DAB2IP: variants seen among roughly 807,000 people sequenced by gnomAD.
The protein encoded by DAB2IP is DAB2 interacting protein.
DAB2IP carries 28 observed loss-of-function variants against 107.2 expected under a neutral mutation model. The observed-to-expected ratio is 0.26, with a 90% CI of 0.19 to 0.36. The LOEUF (loss-of-function observed/expected upper bound fraction) is 0.36, where lower values mean the gene tolerates loss of function less well. Ranked by LOEUF, DAB2IP falls within the 10% of genes least tolerant of loss-of-function variation. The pLI, the probability that DAB2IP is intolerant of heterozygous loss-of-function variation, is 1.00. For synonymous variants in DAB2IP, 755 were observed against 706.4 expected (o/e 1.07, Z -1.09); for missense variants, 1,400 against 1,644.7 (o/e 0.85, Z 2.57).
chr9:121,741,359 G>C (rs1441692079), intron 3 of DAB2IP, among the ~76,000 whole-genome samples: 2 of 152,212 alleles, frequency 1.3e-5, no homozygotes, highest in African/African-American at 4.8e-5. Context: ...GAGCATGGAA[G>C]ACAAACCCAG....
rs1026898335 is a variant in DAB2IP, at chr9:121,736,642, A to C, written c.363-20371A>C. Among the ~76,000 whole-genome samples the C allele has an allele frequency of 1.3e-5, 2 of 152,154 alleles. No homozygotes were observed. The highest frequency in any genetic ancestry group is 2.9e-5 in the Non-Finnish European group (2 of 68,020). ...GTGGCGCAGCCCGACGTTAGTCCGG[A>C]ATGCTCTGGGAGCAGCGCTCGGGGG... On this transcript the variant is annotated intron_variant, in intron 3 of 15. Coordinates refer to ENST00000408936, the Ensembl canonical transcript of DAB2IP. The surrounding 1 kb of genome is among the most constrained non-coding windows in gnomAD (Gnocchi z 4.6).
intron 1 of DAB2IP, among the ~76,000 whole-genome samples, chr9:121,600,279 C>T (rs1343168232): frequency 2.6e-5 from 4 of 152,296 alleles, no homozygotes; most frequent in South Asian, 2.1e-4. Context: ...TTTGTTCAAT[C>T]CTGGCCAATC....
chr9:121,761,398 G>A (rs2118973592), intron 6 of DAB2IP, among the ~76,000 whole-genome samples: 1 of 152,356 alleles, frequency 6.6e-6, no homozygotes, highest in East Asian at 1.9e-4. Context: ...GCAGGTGGCT[G>A]AGGGGCACCC....
chr9:121,602,672 T>A (rs931826167), intron 1 of DAB2IP, among the ~76,000 whole-genome samples: 1 of 152,156 alleles, frequency 6.6e-6, no homozygotes, highest in Non-Finnish European at 1.5e-5. Flanking sequence ...ACCTCCTGGG[T>A]TCACGCCATT....
intron 1 of DAB2IP, among the ~76,000 whole-genome samples, chr9:121,594,464 T>A (rs898857051): frequency 2.6e-5 from 4 of 152,118 alleles, no homozygotes; most frequent in Non-Finnish European, 5.9e-5. Flanking sequence ...CTCGAACTCC[T>A]GACCTCAGGT....
At chr9:121,668,188 T>C (rs923749573) in intron 1 of DAB2IP, among the ~76,000 whole-genome samples, 3 of 130,900 alleles carry the variant, frequency 2.3e-5, no homozygotes, top group African/African-American at 5.5e-5. Flanking sequence ...CCATTTGAGC[T>C]GTTGTTGATT....
chr9:121,764,753 TG>T (rs1456764527), intron 8 of DAB2IP, among the ~76,000 whole-genome samples: 3 of 152,176 alleles, frequency 2.0e-5, no homozygotes, highest in Admixed American at 6.5e-5. Flanking sequence ...CCTCACTCCT[TG>T]TTAGGTTCAT....
intron 3 of DAB2IP, among the ~76,000 whole-genome samples, chr9:121,748,156 G>T (rs1832845931): frequency 1.3e-5 from 2 of 152,170 alleles, no homozygotes; most frequent in South Asian, 4.1e-4. Context: ...TTGACGTAGG[G>T]TTTTTGTGGC....
chr9:121,775,441 TG>T (rs1317049655), intron 13 of DAB2IP, among the ~76,000 whole-genome samples: 1 of 152,210 alleles, frequency 6.6e-6, no homozygotes, highest in Non-Finnish European at 1.5e-5. Flanking sequence ...AGAGTTTGGC[TG>T]GGGAGTGAGG....
exon 16 of DAB2IP, chr9:121,783,700 C>A: frequency 9.8e-7 from 1 of 1,024,304 alleles, no homozygotes; most frequent in Non-Finnish European, 1.5e-6. Context: ...TGGCCGGCCT[C>A]CTCCTCACCC....
chr9:121,666,367 G>T (rs111892737), intron 1 of DAB2IP, among the ~76,000 whole-genome samples: 2 of 152,214 alleles, frequency 1.3e-5, no homozygotes, highest in Non-Finnish European at 1.5e-5. Context: ...GGATTAGGAC[G>T]CATGGTTCCT....
intron 3 of DAB2IP, among the ~76,000 whole-genome samples, chr9:121,710,896 C>T (rs1830307761): frequency 6.6e-6 from 1 of 152,226 alleles, no homozygotes. Context: ...CTTCTGTGGA[C>T]TGGATGTGAC....
At chr9:121,622,060 C>G (rs1831493387) in intron 1 of DAB2IP, among the ~76,000 whole-genome samples, 1 of 146,352 alleles carries the variant, frequency 6.8e-6, no homozygotes. Flanking sequence ...GCGATCTCAG[C>G]TCACTGCAAC....
At chr9:121,666,928 T>C (rs1293422561) in intron 1 of DAB2IP, among the ~76,000 whole-genome samples, 1 of 146,518 alleles carries the variant, frequency 6.8e-6, no homozygotes, top group Non-Finnish European at 1.5e-5. Context: ...CACTCTTAAA[T>C]AGACGTACAC....
Position 121,782,408 on chromosome 9 carries a change from C to T in DAB2IP, c.3480C>T (p.Ser1160=). 1 of 1,614,122 alleles carries T rather than the reference C, an allele frequency of 6.2e-7. No homozygotes were observed. Reference sequence around the variant, plus strand: ...TGACCCAGCTGAAAGAGAGGTACAGCATGCAAGCCCGTAACGGCATCTCCC... The same window carrying T: ...TGACCCAGCTGAAAGAGAGGTACAGTATGCAAGCCCGTAACGGCATCTCCC... The change falls in exon 16 of 16, where the codon AGC becomes AGT. Residue 1160 remains serine (S), a synonymous_variant. Coordinates refer to ENST00000408936, the Ensembl canonical transcript of DAB2IP. The surrounding 1 kb of genome is among the most constrained non-coding windows in gnomAD (Gnocchi z 6.1).
intron 1 of DAB2IP, among the ~76,000 whole-genome samples, chr9:121,585,499 A>G (rs976404859): frequency 6.6e-6 from 1 of 152,048 alleles, no homozygotes; most frequent in African/African-American, 2.4e-5. Context: ...CATTATTTGG[A>G]CTCTATTAAT....
At chr9:121,647,762 CACAT>C (rs1291905519), upstream of DAB2IP, among the ~76,000 whole-genome samples, 2 of 151,584 alleles carry the variant, frequency 1.3e-5, no homozygotes, top group Non-Finnish European at 2.9e-5. Flanking sequence ...TATATACACA[CACAT>C]ATATATACAT....
chr9:121,780,055 T>A (rs1382488926), intron 14 of DAB2IP, among the ~76,000 whole-genome samples: 13 of 152,180 alleles, frequency 8.5e-5, no homozygotes, highest in Admixed American at 8.5e-4. Context: ...GTTTGTTTGG[T>A]TGGTTTTTAA....
Position 121,763,803 on chromosome 9 carries a change from G to A in DAB2IP, c.1384G>A (p.Ala462Thr), listed in dbSNP as rs141706892. The A allele has an allele frequency of 8.1e-4, 1,301 of 1,614,118 alleles. 2 individuals are homozygous for A. The highest frequency in any genetic ancestry group is 1.3e-3 in the Admixed American group (78 of 60,034). Residue 462 changes from alanine to threonine, a missense_variant, in exon 8 of 16, where the codon GCT becomes ACT. Physicochemically the swap from Ala to Thr is moderately conservative, Grantham distance 58 (BLOSUM62 0). Around this residue, in one of 3 missense-constraint regions of DAB2IP, gnomAD observed 517 missense variants for 748.6 expected, o/e 0.69. Coordinates refer to ENST00000408936, the Ensembl canonical transcript of DAB2IP. Reference sequence around the variant, plus strand: ...AGTGGATCCCAGCAAGTGCTCGGCCGCTGACCTCCCAGAGCACCAGGGCAA... The same window carrying A: ...AGTGGATCCCAGCAAGTGCTCGGCCACTGACCTCCCAGAGCACCAGGGCAA...
Sources: allele counts gnomAD v4.1 joint callset (sites outside exome capture counted in the v4.1 genomes callset), GRCh38; gene constraint gnomAD v4.1.1; regional missense constraint gnomAD v4.1.1; non-coding constraint Gnocchi (gnomAD v3.1); transcripts MANE v1.5; gene names NCBI Gene and HGNC (gene_info 2026-07-23, HGNC 2026-07-21).